Variants in SNTG1 observed in about 807,000 individuals in gnomAD.
SNTG1 encodes the protein syntrophin gamma 1.
Under a neutral mutation model 74.7 loss-of-function variants are expected in SNTG1, and 39 were observed. The ratio of observed to expected loss-of-function variants is 0.52; its 90% CI spans 0.40 to 0.68. The LOEUF is 0.68. Among genes scored for constraint, SNTG1 ranks in the 30% least tolerant of loss-of-function variants. The probability of loss-of-function intolerance (pLI) is 0.00; values close to 1 mark genes in which losing one functional copy is unlikely to be tolerated. For synonymous variants in SNTG1, 254 were observed against 217.1 expected (o/e 1.17, Z -1.49); for missense variants, 685 against 609.5 (o/e 1.12, Z -1.30).
chr8:50,040,588 A>C (rs983437085), intron 1 of SNTG1, among the ~76,000 whole-genome samples: 1 of 152,202 alleles, frequency 6.6e-6, no homozygotes, highest in African/African-American at 2.4e-5. Context: ...GATATTCTGT[A>C]GGACAAGCAA....
At chr8:50,680,330 A>G (rs1000355783) in intron 15 of SNTG1, among the ~76,000 whole-genome samples, 9 of 152,168 alleles carry the variant, frequency 5.9e-5, no homozygotes, top group African/African-American at 2.2e-4. Flanking sequence ...TCTCACACTG[A>G]ATTTGCAAAT....
intron 2 of SNTG1, among the ~76,000 whole-genome samples, chr8:50,331,761 A>G (rs2090974465): frequency 6.6e-6 from 1 of 152,180 alleles, no homozygotes; most frequent in Non-Finnish European, 1.5e-5. Context: ...CAATGGACAG[A>G]TTTGCCAGGA....
intron 2 of SNTG1, among the ~76,000 whole-genome samples, chr8:50,181,721 A>C (rs1020189393): frequency 1.3e-5 from 2 of 152,226 alleles, no homozygotes; most frequent in Admixed American, 1.3e-4. Flanking sequence ...AGCAAAATTT[A>C]ATCTGTTAAC....
At chr8:50,519,265 A>G (rs1430191691) in intron 9 of SNTG1, among the ~76,000 whole-genome samples, 1 of 152,164 alleles carries the variant, frequency 6.6e-6, no homozygotes, top group East Asian at 1.9e-4. Context: ...CCTTTTATGC[A>G]AAAACTCTCA....
intron 1 of SNTG1, among the ~76,000 whole-genome samples, chr8:50,063,196 A>G (rs1187009831): frequency 6.6e-6 from 1 of 152,256 alleles, no homozygotes; most frequent in African/African-American, 2.4e-5. Context: ...CAATTTTATT[A>G]GCAAAATAAA....
chr8:50,117,942 C>T (rs1401926510), intron 1 of SNTG1, among the ~76,000 whole-genome samples: 1 of 152,032 alleles, frequency 6.6e-6, no homozygotes, highest in African/African-American at 2.4e-5. Context: ...TTCCCTGTAA[C>T]CTGGTAAAAG....
In SNTG1 at chr8:50,200,507, TGG is replaced by T. The variant is rs1374174528; in HGVS notation, c.-28+27873_-28+27874del. Among the ~76,000 whole-genome samples the T allele has an allele frequency of 3.3e-5, 5 of 152,246 alleles. No homozygotes were observed. The East Asian group carries it at 9.7e-4, about 29-fold the overall frequency. ...GTAGCAAGCAGAAATCTTCTCTGTG[TGG>T]AAAGATGTGTACTTGTAATTCTCTG... On this transcript the variant is annotated intron_variant, in intron 2 of 18. Transcript: ENST00000642720.
At position 50,685,567 on chromosome 8, in the gene SNTG1, A is replaced by T. The variant is rs576482278; in HGVS notation, c.1039-19033A>T. Among the ~76,000 whole-genome samples the T allele has an allele frequency of 4.2e-3, 632 of 152,260 alleles. 5 individuals are homozygous for T. The highest frequency in any genetic ancestry group is 0.01 in the Middle Eastern group (3 of 294). On this transcript the variant is annotated intron_variant, in intron 15 of 18. Coordinates refer to ENST00000642720, the MANE Select transcript of SNTG1 (RefSeq NM_018967.5). ...TGTCATTTGGTCTTTTCAAACCTTA[A>T]TTTTTTCAAAGGCAGAGTGGAAAAT...
rs188740078 is a variant in SNTG1 at position 50,397,371 on chromosome 8, G to T, written c.27+3106G>T. 1.3e-3 allele frequency among the ~76,000 whole-genome samples: 200 copies of T among 152,234 alleles called. 1 individual carries two copies. Among genetic ancestry groups the T allele is most frequent in the Non-Finnish European group, 2.2e-3 (150 of 68,000 alleles). On this transcript the variant is annotated intron_variant, in intron 3 of 18. Transcript: ENST00000642720. Reference sequence around the variant, plus strand: ...GATTTTCGATATCTAAACAATTTGGGTCCACAGATCTGTAAAGACTTTGCA... The same window carrying T: ...GATTTTCGATATCTAAACAATTTGGTTCCACAGATCTGTAAAGACTTTGCA...
intron 2 of SNTG1, among the ~76,000 whole-genome samples, chr8:50,210,427 CAG>C (rs1403742271): frequency 2.6e-5 from 4 of 152,124 alleles, no homozygotes; most frequent in African/African-American, 9.7e-5. Flanking sequence ...ACATAATTGT[CAG>C]ATTCACCAAA....
intron 1 of SNTG1, among the ~76,000 whole-genome samples, chr8:50,094,263 A>G (rs1231728147): frequency 6.6e-6 from 1 of 152,146 alleles, no homozygotes; most frequent in Non-Finnish European, 1.5e-5. Context: ...GAACTGTCAA[A>G]CCAATTCAGG....
intron 2 of SNTG1, among the ~76,000 whole-genome samples, chr8:50,381,592 G>GTGTGTGTA (rs1217355515): frequency 0.075 from 7,345 of 97,982 alleles, 520 homozygotes; most frequent in Middle Eastern, 0.15. Flanking sequence ...GTGTGTGTGT[G>GTGTGTGTA]TATATATATA....
intron 2 of SNTG1, among the ~76,000 whole-genome samples, chr8:50,326,255 G>T (rs2090742917): frequency 6.6e-6 from 1 of 152,002 alleles, no homozygotes; most frequent in Non-Finnish European, 1.5e-5. Flanking sequence ...TTCTGGAAAT[G>T]CTTGTAGAAA....
At chr8:50,598,329 C>G (rs139209103) in intron 13 of SNTG1, among the ~76,000 whole-genome samples, 1 of 151,872 alleles carries the variant, frequency 6.6e-6, no homozygotes, top group African/African-American at 2.4e-5. Flanking sequence ...GTTTTCCCAA[C>G]ATTGTTATTG....
chr8:50,233,751 A>T (rs765455155), intron 2 of SNTG1, among the ~76,000 whole-genome samples: 8 of 151,630 alleles, frequency 5.3e-5, no homozygotes, highest in African/African-American at 2.4e-5. Flanking sequence ...AAATGAAGAC[A>T]CATTTCACTA....
chr8:50,525,768 A>T (rs536970190), intron 9 of SNTG1, among the ~76,000 whole-genome samples: 1 of 151,130 alleles, frequency 6.6e-6, no homozygotes, highest in East Asian at 1.9e-4. Context: ...TTATTTAGCT[A>T]TCTGTGTTTT....
chr8:50,376,926 A>C (rs981260374), intron 2 of SNTG1, among the ~76,000 whole-genome samples: 1 of 151,782 alleles, frequency 6.6e-6, no homozygotes, highest in Non-Finnish European at 1.5e-5. Context: ...TTTTATCCTC[A>C]AGCCTGAAAG....
At chr8:50,263,802 T>G (rs1048035759) in intron 2 of SNTG1, among the ~76,000 whole-genome samples, 1 of 152,132 alleles carries the variant, frequency 6.6e-6, no homozygotes, top group Admixed American at 6.5e-5. Context: ...AGCACAATAA[T>G]GCAGAAGACT....
chr8:50,595,399 A>T (rs1314698420), intron 13 of SNTG1, among the ~76,000 whole-genome samples: 1 of 152,136 alleles, frequency 6.6e-6, no homozygotes, highest in Non-Finnish European at 1.5e-5. Context: ...ATTTCCCAGG[A>T]AAAAGAGGTG....
Sources: allele counts gnomAD v4.1 joint callset (sites outside exome capture counted in the v4.1 genomes callset), GRCh38; gene constraint gnomAD v4.1.1; transcripts MANE v1.5; gene names NCBI Gene and HGNC (gene_info 2026-07-23, HGNC 2026-07-21).